The following GAS7 variants were observed in gnomAD, a reference collection of about 807,000 sequenced individuals.
GAS7 encodes growth arrest-specific protein 7.
A neutral mutation model predicts 71.1 loss-of-function variants in GAS7; 28 were observed. The ratio of observed to expected loss-of-function variants is 0.39; its 90% CI spans 0.29 to 0.54. The LOEUF is 0.54. GAS7 is among the 20% of genes least tolerant of loss of function. The pLI is 0.62. For synonymous variants in GAS7, 258 were observed against 245.8 expected (o/e 1.05, Z -0.46); for missense variants, 436 against 627.8 (o/e 0.69, Z 3.27).
At chr17:10,178,453 G>C (rs928381942) in intron 1 of GAS7, among the ~76,000 whole-genome samples, 1 of 152,058 alleles carries the variant, frequency 6.6e-6, no homozygotes, top group African/African-American at 2.4e-5. Flanking sequence ...TTTCTCCCAG[G>C]TGAGGCAGAA....
At chr17:9,996,309 A>C (rs925795225) in intron 2 of GAS7, among the ~76,000 whole-genome samples, 1 of 151,954 alleles carries the variant, frequency 6.6e-6, no homozygotes, top group African/African-American at 2.4e-5. Flanking sequence ...TTCTCAGCAA[A>C]CTATTGCAAG....
At chr17:10,020,913 AAAAC>A (rs1005555019) in intron 1 of GAS7, among the ~76,000 whole-genome samples, 3 of 152,196 alleles carry the variant, frequency 2.0e-5, no homozygotes, top group Non-Finnish European at 2.9e-5. Flanking sequence ...AGTCCATCTC[AAAAC>A]AAACAAACAA....
intron 2 of GAS7, among the ~76,000 whole-genome samples, chr17:9,986,337 C>T (rs754055983): frequency 2.0e-5 from 3 of 152,210 alleles, no homozygotes; most frequent in Non-Finnish European, 4.4e-5. Context: ...CTTTGATCTT[C>T]TGGTTGGGGC....
rs372209539 is a variant in GAS7, at chr17:9,914,658, C to T, written c.*2570G>A. The stretch of plus-strand genomic sequence containing the variant: ...TACCTTCCATCCAACAGGTAAATGC[C>T]TCACGACGGTGGTTTATATTATAAT... On this transcript the variant is annotated 3_prime_UTR_variant, in exon 14 of 14. Transcript: ENST00000432992. 6.4e-4 allele frequency: 139 copies of T among 217,012 alleles called. 1 individual carries two copies. Among genetic ancestry groups the T allele is most frequent in the African/African-American group, 2.9e-3 (127 of 44,538 alleles). 13.4% of individuals were successfully genotyped at this position (217,012 alleles called of 1,614,324 possible).
At chr17:10,047,572 G>A (rs983739170) in intron 1 of GAS7, among the ~76,000 whole-genome samples, 17 of 152,140 alleles carry the variant, frequency 1.1e-4, no homozygotes, top group African/African-American at 3.4e-4. Flanking sequence ...AAAGCACAAA[G>A]GAAGAGCACG....
chr17:9,998,179 C>G (rs8070311), intron 2 of GAS7, among the ~76,000 whole-genome samples: 19,990 of 152,218 alleles, frequency 0.13, 1,748 homozygotes, highest in African/African-American at 0.24. Flanking sequence ...AGACACCCAT[C>G]ATCTCATTAG....
intron 2 of GAS7, among the ~76,000 whole-genome samples, chr17:10,017,212 G>A (rs1158543219): frequency 6.6e-6 from 1 of 152,012 alleles, no homozygotes; most frequent in Non-Finnish European, 1.5e-5. Flanking sequence ...AAGTCCTTGT[G>A]GAGCCAACAG....
At chr17:10,108,061 T>C (rs1466653289) in intron 1 of GAS7, among the ~76,000 whole-genome samples, 1 of 151,204 alleles carries the variant, frequency 6.6e-6, no homozygotes, top group East Asian at 2.0e-4. Context: ...CACCTTACCA[T>C]AGTCCAGAGG....
At chr17:9,982,374 C>G (rs1400810152) in intron 2 of GAS7, among the ~76,000 whole-genome samples, 1 of 152,180 alleles carries the variant, frequency 6.6e-6, no homozygotes, top group African/African-American at 2.4e-5. Context: ...CTGGTGGTGA[C>G]TTCCAAGTTT....
At chr17:10,033,097 T>G (rs2072661782) in intron 1 of GAS7, among the ~76,000 whole-genome samples, 1 of 152,198 alleles carries the variant, frequency 6.6e-6, no homozygotes, top group Non-Finnish European at 1.5e-5. Context: ...TCCTAAAGAT[T>G]AATGATCTTG....
At chr17:10,181,442 G>T (rs976317376) in intron 1 of GAS7, among the ~76,000 whole-genome samples, 3 of 152,010 alleles carry the variant, frequency 2.0e-5, no homozygotes, top group Non-Finnish European at 4.4e-5. Context: ...GGGTAAAGAA[G>T]AGGATGGGGG....
chr17:10,188,309 C>T (rs1282708917), intron 1 of GAS7, among the ~76,000 whole-genome samples: 1 of 152,118 alleles, frequency 6.6e-6, no homozygotes, highest in Non-Finnish European at 1.5e-5. Flanking sequence ...ACCTGCTAAG[C>T]GCAGGTAAAC....
chr17:10,090,847 A>T (rs1000653107), intron 1 of GAS7, among the ~76,000 whole-genome samples: 3 of 152,184 alleles, frequency 2.0e-5, no homozygotes, highest in Non-Finnish European at 2.9e-5. Context: ...TCCAAGTCCA[A>T]TCCAGCACTC....
At chr17:9,939,463 C>T (rs1200493602) in intron 8 of GAS7, among the ~76,000 whole-genome samples, 1 of 152,196 alleles carries the variant, frequency 6.6e-6, no homozygotes, top group Non-Finnish European at 1.5e-5. Flanking sequence ...ACGCAGCTTC[C>T]TCCCAGCCTG....
intron 2 of GAS7, among the ~76,000 whole-genome samples, chr17:10,009,318 C>CAAAAA (rs541133967): frequency 1.3e-5 from 1 of 78,576 alleles, no homozygotes. Flanking sequence ...GAGACTCCGT[C>CAAAAA]AAAAAAAAAA....
intron 1 of GAS7, among the ~76,000 whole-genome samples, chr17:10,125,739 G>A (rs1330854648): frequency 6.6e-6 from 1 of 151,882 alleles, no homozygotes; most frequent in Non-Finnish European, 1.5e-5. Context: ...GGCCACTGGG[G>A]GAATTAGACT....
intron 5 of GAS7, among the ~76,000 whole-genome samples, chr17:9,951,179 A>T (rs761513180): frequency 6.6e-6 from 1 of 152,260 alleles, no homozygotes; most frequent in Non-Finnish European, 1.5e-5. Context: ...TATTCCAATT[A>T]TTCTTATTTC....
chr17:10,021,122 CT>C (rs2072250658), intron 1 of GAS7, among the ~76,000 whole-genome samples: 1 of 152,072 alleles, frequency 6.6e-6, no homozygotes, highest in Non-Finnish European at 1.5e-5. Flanking sequence ...ATTGCTGTGC[CT>C]TTTGAAGTAA....
At chr17:9,973,703 G>A (rs1396148685) in intron 3 of GAS7, among the ~76,000 whole-genome samples, 1 of 152,120 alleles carries the variant, frequency 6.6e-6, no homozygotes, top group Non-Finnish European at 1.5e-5. Context: ...CCCGCAAAAG[G>A]CACTGCACCC....
Sources: allele counts gnomAD v4.1 joint callset (sites outside exome capture counted in the v4.1 genomes callset), GRCh38; gene constraint gnomAD v4.1.1; transcripts MANE v1.5; gene names NCBI Gene and HGNC (gene_info 2026-07-23, HGNC 2026-07-21).